TLCD2: variants seen among roughly 807,000 people sequenced by gnomAD.
The protein encoded by TLCD2 is TLC domain containing 2.
A neutral mutation model predicts 14.0 loss-of-function variants in TLCD2; 12 were observed. The ratio of observed to expected loss-of-function variants is 0.86; its 90% CI spans 0.55 to 1.39. The LOEUF (loss-of-function observed/expected upper bound fraction) is 1.39. Ranked by LOEUF, TLCD2 falls within the 40% of genes most tolerant of loss-of-function variation. TLCD2 has a pLI of 0.00. For synonymous variants in TLCD2, 166 were observed against 156.5 expected (o/e 1.06, Z -0.45); for missense variants, 360 against 346.8 (o/e 1.04, Z -0.30).
intron 3 of TLCD2, among the ~76,000 whole-genome samples, chr17:1,709,119 T>A (rs968914230): frequency 1.3e-5 from 2 of 151,982 alleles, no homozygotes; most frequent in African/African-American, 2.4e-5. Flanking sequence ...CCGGGGGCGG[T>A]GGCTCATGCT....
chr17:1,709,508 A>AT lies in TLCD2; in HGVS notation c.332dup (p.His111GlnfsTer115). ...GCCCTCAGAGTCTCACCACCAAATG[A>AT]TGACAGAGAAGATCCCAGGTCTTGC... On this transcript the variant is annotated frameshift_variant, in exon 3 of 4. Transcript: ENST00000330676. LOFTEE classifies it low-confidence loss of function (END_TRUNC). The AT allele has an allele frequency of 6.5e-7, 1 of 1,536,106 alleles. No homozygotes were observed. Among genetic ancestry groups the AT allele is most frequent in the Non-Finnish European group, 8.7e-7 (1 of 1,146,666 alleles).
At chr17:1,709,688 G>A in intron 2 of TLCD2, 107 bp from the exon 3 acceptor site, 2 of 1,224,208 alleles carry the variant, frequency 1.6e-6, no homozygotes, top group African/African-American at 1.5e-5. Context: ...TTTTCCCTTG[G>A]TAAAGCCTTC....
Position 1,707,983 on chromosome 17 carries a change from C to T in TLCD2, c.582G>A (p.Gln194=). Residue 194 remains glutamine (Q), a synonymous_variant, in exon 4 of 4, where the codon CAG becomes CAA. Coordinates refer to ENST00000330676, the MANE Select transcript of TLCD2 (RefSeq NM_001164407.2). ...CCAGGGTGACCAGAGCAAGAGGAAC[C>T]TGGTGGTGCTGCCGGAACAGCCACA... is the stretch of plus-strand genomic sequence containing the variant. ...MSLWLFRQHH[Q]VPLALVTLGG... is the part of the protein sequence containing the mutation. The T allele has an allele frequency of 6.5e-7, 1 of 1,537,280 alleles. No individual in the cohort carries two copies. The highest frequency in any genetic ancestry group is 2.0e-5 in the Admixed American group (1 of 50,998).
intron 3 of TLCD2, 46 bp downstream of exon 3, chr17:1,709,453 G>GCT (rs1567706808): frequency 8.2e-6 from 11 of 1,337,256 alleles, no homozygotes; most frequent in Non-Finnish European, 1.1e-5. Flanking sequence ...GCTGGACAGG[G>GCT]CTCCCCTCCT....
At position 1,707,753 on chromosome 17, in the gene TLCD2, G is replaced by A. The variant is rs150843841; in HGVS notation, c.*17C>T. On this transcript the variant is annotated 3_prime_UTR_variant, in exon 4 of 4. Transcript: ENST00000330676. ...TCCTGGCCCCACCTCCCCCAGCGAG[G>A]GGCCCATGGCTTCTCTCTAGTCTTT... is the stretch of plus-strand genomic sequence containing the variant. The A allele has an allele frequency of 3.8e-4, 551 of 1,465,084 alleles. 3 individuals carry two copies. The African/African-American group carries it at 7.2e-3, about 19-fold the overall frequency. 90.8% of individuals were successfully genotyped at this position (1,465,084 alleles called of 1,614,324 possible).
chr17:1,709,921 TG>T, intron 1 of TLCD2, 35 bp from the exon 2 acceptor site: 1 of 1,490,664 alleles, frequency 6.7e-7, no homozygotes, highest in Non-Finnish European at 9.0e-7. Context: ...GGGGGGGGCA[TG>T]GTCAGCCTCT....
intron 1 of TLCD2, 74 bp downstream of exon 1, chr17:1,709,993 C>A: frequency 6.6e-7 from 1 of 1,515,100 alleles, no homozygotes; most frequent in Non-Finnish European, 8.8e-7. Context: ...TCTGGAGACG[C>A]CCGGCGGGTC....
chr17:1,709,770 C>T, intron 2 of TLCD2, 34 bp downstream of exon 2: 5 of 1,424,246 alleles, frequency 3.5e-6, no homozygotes, highest in Non-Finnish European at 4.8e-6. Flanking sequence ...CCGCCCCATC[C>T]CCACCACCGG....
In TLCD2 at chr17:1,710,102, C is replaced by T. The variant is rs1914177585; in HGVS notation, c.141G>A (p.Ala47=). The part of the protein sequence containing the change: ...WQWWNLCVSL[A]HSLLSGTGAL... Reference sequence around the variant, plus strand: ...CCCCGGTCCCCGAGAGCAGGCTGTGCGCCAGGGAGACGCAGAGGTTCCACC... The same window carrying T: ...CCCCGGTCCCCGAGAGCAGGCTGTGTGCCAGGGAGACGCAGAGGTTCCACC... The change falls in exon 1 of 4, where the codon GCG becomes GCA. Residue 47 remains alanine (A), a synonymous_variant. Transcript: ENST00000330676. The surrounding 1 kb of genome is among the most constrained non-coding windows in gnomAD (Gnocchi z 6.1). The T allele has an allele frequency of 5.2e-6, 8 of 1,533,458 alleles. No homozygotes were observed. Among genetic ancestry groups the T allele is most frequent in the Non-Finnish European group, 7.0e-6 (8 of 1,146,364 alleles). 95.0% of individuals were successfully genotyped at this position (1,533,458 alleles called of 1,614,324 possible).
chr17:1,708,571 C>T (rs1256611944), intron 3 of TLCD2, among the ~76,000 whole-genome samples: 1 of 146,704 alleles, frequency 6.8e-6, no homozygotes, highest in Non-Finnish European at 1.5e-5. Flanking sequence ...ACTGCAACCT[C>T]TGCCTCCTGG....
intron 1 of TLCD2, 28 bp from the exon 2 acceptor site, chr17:1,709,914 G>GT (rs1205403551): frequency 9.9e-6 from 15 of 1,522,548 alleles, no homozygotes; most frequent in Non-Finnish European, 1.3e-5. Flanking sequence ...GGACATGGGG[G>GT]GGGGCATGGT....
In TLCD2 at chr17:1,703,041, T is replaced by C. The variant is rs1368521058; in HGVS notation, c.*4729A>G. 1 of 151,960 alleles carries C rather than the reference T, an allele frequency of 6.6e-6. No homozygotes were observed. Among genetic ancestry groups the C allele is most frequent in the African/African-American group, 2.4e-5 (1 of 41,392 alleles). 9.4% of individuals were successfully genotyped at this position (151,960 alleles called of 1,614,324 possible). On this transcript the variant is annotated 3_prime_UTR_variant, in exon 4 of 4. Coordinates refer to ENST00000330676, the MANE Select transcript of TLCD2 (RefSeq NM_001164407.2). ...AAGCAGACTCCTACCAAATGGAGCA[T>C]CTGGCAATCTCTGCTTTTTTTTTTT... is the stretch of plus-strand genomic sequence containing the variant.
chr17:1,705,633 CTCTT>C lies in TLCD2; in HGVS notation c.*2133_*2136del, dbSNP rs1271347043. The C allele has an allele frequency of 2.0e-5, 3 of 152,232 alleles. No homozygotes were observed. The highest frequency in any genetic ancestry group is 2.9e-5 in the Non-Finnish European group (2 of 68,044). 9.4% of individuals were successfully genotyped at this position (152,232 alleles called of 1,614,324 possible). ...TCACCTCTATGTGAATAATCCTTCT[CTCTT>C]TCTATCTATCACTCAATCTATGTAT... On this transcript the variant is annotated 3_prime_UTR_variant, in exon 4 of 4. Transcript: ENST00000330676.
At position 1,710,377 on chromosome 17, in the gene TLCD2, C is replaced by T; in HGVS notation, c.-135G>A. 2.6e-6 allele frequency: 2 copies of T among 772,496 alleles called. No individual in the cohort carries two copies. The highest frequency in any genetic ancestry group is 1.9e-6 in the Non-Finnish European group (1 of 520,142). 47.9% of individuals were successfully genotyped at this position (772,496 alleles called of 1,614,324 possible). A position where few individuals can be genotyped will look rare whatever the true frequency, so the allele number is the denominator to read the frequency against. ...CTCCCCGCCGCGCCTTTGGGATCAGCAGGAACTTTTCCCCGTTCGTCCACG... is the reference window on the plus strand; with the variant it reads ...CTCCCCGCCGCGCCTTTGGGATCAGTAGGAACTTTTCCCCGTTCGTCCACG... On this transcript the variant is annotated 5_prime_UTR_variant, in exon 1 of 4. Coordinates refer to ENST00000330676, the MANE Select transcript of TLCD2 (RefSeq NM_001164407.2). This position sits in a 1 kb window ranked among gnomAD's most constrained non-coding sequence, Gnocchi z 6.1.
In TLCD2 at chr17:1,707,930, A is replaced by G; in HGVS notation, c.635T>C (p.Ile212Thr). ...LGGIGLVTVGIMSIILGIRIL... is the reference protein window; with the variant it reads ...LGGIGLVTVGTMSIILGIRIL... ...ACGGATCCCCAATATGATGCTCATG[A>G]TGCCCACAGTGACCAGCCCAATTCC... The change falls in exon 4 of 4, where the codon ATC becomes ACC. Residue 212 changes from isoleucine (I) to threonine (T), a missense_variant. By Grantham distance (89) the Ile-to-Thr change is moderately conservative. Transcript: ENST00000330676. 6.5e-7 allele frequency: 1 copy of G among 1,537,294 alleles called. No homozygotes were observed. Among genetic ancestry groups the G allele is most frequent in the Non-Finnish European group, 8.7e-7 (1 of 1,146,916 alleles).
In TLCD2 at chr17:1,707,837, C is replaced by A; in HGVS notation, c.728G>T (p.Gly243Val). ...TCCATTGTCACGACGTGTCCTGGTCCCCCTGGTTTTCTCATGGCCAGGGCT... is the reference window on the plus strand; with the variant it reads ...TCCATTGTCACGACGTGTCCTGGTCACCCTGGTTTTCTCATGGCCAGGGCT... ...PPSPGHEKTR[G>V]TRTRRDNGPV... Residue 243 changes from glycine to valine, a missense_variant, in exon 4 of 4, where the codon GGG becomes GTG. Coordinates refer to ENST00000330676, the MANE Select transcript of TLCD2 (RefSeq NM_001164407.2). 1 of 1,534,956 alleles carries A rather than the reference C, an allele frequency of 6.5e-7. No homozygotes were observed. Among genetic ancestry groups the A allele is most frequent in the Non-Finnish European group, 8.7e-7 (1 of 1,145,592 alleles).
rs1241716262 is a variant in TLCD2, at chr17:1,710,233, T to G, written c.10A>C (p.Thr4Pro). 5 of 1,523,192 alleles carry G rather than the reference T, an allele frequency of 3.3e-6. No individual in the cohort carries two copies. In the African/African-American group the frequency reaches 4.2e-5, roughly 13 times the overall value. 94.4% of individuals were successfully genotyped at this position (1,523,192 alleles called of 1,614,324 possible). MAP[T>P]GLLVAGASFL... Reference sequence around the variant, plus strand: ...GAGGCGCCGGCCACCAGGAGCCCCGTGGGCGCCATGGCCTGGCGGTTGGGG... The same window carrying G: ...GAGGCGCCGGCCACCAGGAGCCCCGGGGGCGCCATGGCCTGGCGGTTGGGG... Residue 4 changes from threonine (T) to proline (P), a missense_variant, in exon 1 of 4, where the codon ACG becomes CCG. Physicochemically the swap from Thr to Pro is conservative, Grantham distance 38 (BLOSUM62 -1). Coordinates refer to ENST00000330676, the MANE Select transcript of TLCD2 (RefSeq NM_001164407.2). The surrounding 1 kb of genome is among the most constrained non-coding windows in gnomAD (Gnocchi z 6.1).
Position 1,707,730 on chromosome 17 carries a change from C to A in TLCD2, c.*40G>T. 1.4e-6 allele frequency: 2 copies of A among 1,441,444 alleles called. No homozygotes were observed. The highest frequency in any genetic ancestry group is 9.2e-7 in the Non-Finnish European group (1 of 1,091,592). The allele number at this position is 1,441,444 out of a possible 1,614,324, so 89.3% of individuals were successfully genotyped here. A position where few individuals can be genotyped will look rare whatever the true frequency, so the allele number is the denominator to read the frequency against. On this transcript the variant is annotated 3_prime_UTR_variant, in exon 4 of 4. Transcript: ENST00000330676. ...CATGGAAGACCCTCATCTCCTTGTC[C>A]TGGCCCCACCTCCCCCAGCGAGGGG... is the stretch of plus-strand genomic sequence containing the variant.
chr17:1,709,454 C>A (rs1203000839), intron 3 of TLCD2, 45 bp downstream of exon 3: 1 of 1,339,856 alleles, frequency 7.5e-7, no homozygotes, highest in South Asian at 1.2e-5. Context: ...CTGGACAGGG[C>A]TCCCCTCCTC....
Sources: gnomAD v4.1 joint callset for allele counts (sites outside exome capture counted in the v4.1 genomes callset) on GRCh38, gnomAD v4.1.1 for gene constraint, Gnocchi (gnomAD v3.1) non-coding constraint, MANE v1.5 for transcripts, NCBI Gene and HGNC (gene_info 2026-07-23, HGNC 2026-07-21) for gene names.